SMYD3: variants seen among roughly 807,000 people sequenced by gnomAD.
SMYD3 encodes the protein SET and MYND domain containing 3.
A neutral mutation model predicts 57.7 loss-of-function variants in SMYD3; 36 were observed. The observed-to-expected ratio is 0.62, with a 90% CI of 0.48 to 0.82. The LOEUF (loss-of-function observed/expected upper bound fraction) is 0.82. Among genes scored for constraint, SMYD3 ranks in the 40% least tolerant of loss-of-function variants. The pLI is 0.00. For synonymous variants in SMYD3, 211 were observed against 195.0 expected, an observed-to-expected ratio of 1.08 and a Z score of -0.68; for missense variants, 515 against 538.8, an observed-to-expected ratio of 0.96 and a Z score of 0.44.
At chr1:246,368,312 AG>A (rs2066140584) in intron 1 of SMYD3, among the ~76,000 whole-genome samples, 1 of 152,162 alleles carries the variant, frequency 6.6e-6, no homozygotes, top group Non-Finnish European at 1.5e-5. Flanking sequence ...AGAGGGAAAG[AG>A]TATGTCCATG....
At chr1:246,106,270 G>A (rs538258590) in intron 5 of SMYD3, among the ~76,000 whole-genome samples, 2 of 152,236 alleles carry the variant, frequency 1.3e-5, no homozygotes, top group East Asian at 3.9e-4. Context: ...AGACCACGAC[G>A]GCAGCAGATA....
intron 5 of SMYD3, among the ~76,000 whole-genome samples, chr1:245,998,999 G>A (rs1286423684): frequency 6.6e-6 from 1 of 152,120 alleles, no homozygotes; most frequent in Admixed American, 6.5e-5. Flanking sequence ...GAGGTGAAAG[G>A]GGAGTGGATG....
Position 246,408,119 on chromosome 1 carries a change from G to C in SMYD3, c.165-53025C>G, listed in dbSNP as rs562013664. Among the ~76,000 whole-genome samples the C allele has an allele frequency of 2.6e-3, 393 of 151,862 alleles. 1 individual carries two copies. The highest frequency in any genetic ancestry group is 4.6e-3 in the Non-Finnish European group (311 of 67,952). ...GCCTTCCTGAGCTAATTACCTCCCC[G>C]AAGCACCACCTCTTAATATTATCAC... On this transcript the variant is annotated intron_variant, in intron 1 of 11. Coordinates refer to ENST00000490107, the MANE Select transcript of SMYD3 (RefSeq NM_001167740.2).
chr1:246,255,979 TAGATAGATAC>T (rs1239631432), intron 5 of SMYD3, among the ~76,000 whole-genome samples: 3 of 147,650 alleles, frequency 2.0e-5, no homozygotes, highest in African/African-American at 7.5e-5. Context: ...GATAGATAGA[TAGATAGATAC>T]ACACACACAT....
intron 5 of SMYD3, among the ~76,000 whole-genome samples, chr1:246,322,589 T>A (rs953993596): frequency 1.3e-5 from 2 of 152,198 alleles, no homozygotes; most frequent in African/African-American, 2.4e-5. Context: ...CATCTGTATA[T>A]CCCCGGTGCA....
chr1:246,329,311 T>C (rs2065417735), intron 4 of SMYD3, among the ~76,000 whole-genome samples: 1 of 152,156 alleles, frequency 6.6e-6, no homozygotes, highest in African/African-American at 2.4e-5. Flanking sequence ...CCACCAACAG[T>C]GTAAAAGTGT....
intron 1 of SMYD3, among the ~76,000 whole-genome samples, chr1:246,369,173 G>A (rs2066153787): frequency 6.6e-6 from 1 of 152,020 alleles, no homozygotes; most frequent in Non-Finnish European, 1.5e-5. Context: ...GAAGTGCTCG[G>A]TAACTATTAC....
intron 1 of SMYD3, among the ~76,000 whole-genome samples, chr1:246,448,503 C>T (rs2067580045): frequency 6.6e-6 from 1 of 151,980 alleles, no homozygotes; most frequent in Non-Finnish European, 1.5e-5. Flanking sequence ...AAGGCCAGAT[C>T]GTAGGTAACT....
intron 8 of SMYD3, among the ~76,000 whole-genome samples, chr1:245,877,365 GTCAGA>G (rs901675107): frequency 6.6e-6 from 1 of 152,234 alleles, no homozygotes; most frequent in Non-Finnish European, 1.5e-5. Context: ...TAGGGAAGGG[GTCAGA>G]TCAAAGAATG....
At chr1:245,913,599 G>GCAA (rs1210244619) in intron 8 of SMYD3, among the ~76,000 whole-genome samples, 6 of 151,646 alleles carry the variant, frequency 4.0e-5, no homozygotes, top group African/African-American at 1.2e-4. Context: ...AAAAGCACAA[G>GCAA]CAACAAAAAC....
In SMYD3 at chr1:245,817,300, ATG is replaced by A. The variant is rs1435926578; in HGVS notation, c.1076+41194_1076+41195del. 3.5e-5 allele frequency among the ~76,000 whole-genome samples: 5 copies of A among 143,036 alleles called. 1 individual carries two copies. The highest frequency in any genetic ancestry group is 8.1e-5 in the African/African-American group (3 of 36,830). 93.8% of individuals were successfully genotyped at this position (143,036 alleles called of 152,430 possible). ...CAGCAGGGGCACACTGACACCTCAC[ATG>A]GCAGGGTATTCCAACAGCCCTGCAG... On this transcript the variant is annotated intron_variant, in intron 10 of 11. Coordinates refer to ENST00000490107, the MANE Select transcript of SMYD3 (RefSeq NM_001167740.2).
intron 5 of SMYD3, among the ~76,000 whole-genome samples, chr1:246,048,011 C>A (rs1036143828): frequency 1.3e-5 from 2 of 151,704 alleles, no homozygotes; most frequent in African/African-American, 4.9e-5. Flanking sequence ...GACATCCTAG[C>A]GAAAATATCC....
intron 5 of SMYD3, among the ~76,000 whole-genome samples, chr1:246,217,858 G>A (rs56358617): frequency 0.27 from 40,379 of 151,878 alleles, 6,100 homozygotes; most frequent in East Asian, 0.58. Context: ...TCAACTTTCA[G>A]AAACAATTTG....
At chr1:245,826,827 C>T (rs886135548) in intron 10 of SMYD3, among the ~76,000 whole-genome samples, 8 of 134,226 alleles carry the variant, frequency 6.0e-5, no homozygotes, top group East Asian at 4.3e-4. Context: ...AACTACCAAA[C>T]GCTTACAAAA....
intron 1 of SMYD3, among the ~76,000 whole-genome samples, chr1:246,362,807 C>G (rs1473113645): frequency 3.6e-4 from 55 of 151,996 alleles, no homozygotes; most frequent in Middle Eastern, 3.4e-3. Context: ...GATCTCGGCT[C>G]GCTACAACCT....
At chr1:245,987,899 T>G (rs1269807595) in intron 5 of SMYD3, among the ~76,000 whole-genome samples, 2 of 152,102 alleles carry the variant, frequency 1.3e-5, no homozygotes, top group South Asian at 4.2e-4. Context: ...TCTCTGAAAC[T>G]TAAAAAGAAA....
At chr1:245,788,262 G>A (rs2047129362) in intron 10 of SMYD3, among the ~76,000 whole-genome samples, 1 of 152,032 alleles carries the variant, frequency 6.6e-6, no homozygotes, top group South Asian at 2.1e-4. Context: ...AGGGAACAGG[G>A]CAAGAAGAAT....
At chr1:245,870,133 T>A (rs1433221224) in intron 8 of SMYD3, among the ~76,000 whole-genome samples, 5 of 152,170 alleles carry the variant, frequency 3.3e-5, no homozygotes, top group Non-Finnish European at 7.4e-5. Context: ...CCACAACCCA[T>A]GGGCGACAGT....
At chr1:246,123,621 A>ACAC (rs2148035636) in intron 5 of SMYD3, among the ~76,000 whole-genome samples, 1 of 117,012 alleles carries the variant, frequency 8.5e-6, no homozygotes, top group Admixed American at 8.5e-5. Context: ...CACACACACA[A>ACAC]ATCATTCTGC....
Sources: allele counts gnomAD v4.1 joint callset (sites outside exome capture counted in the v4.1 genomes callset), GRCh38; gene constraint gnomAD v4.1.1; transcripts MANE v1.5; gene names NCBI Gene and HGNC (gene_info 2026-07-23, HGNC 2026-07-21).